Variants in IFT52 observed in about 807,000 individuals in gnomAD.
IFT52 encodes the protein intraflagellar transport 52.
IFT52 carries 44 observed loss-of-function variants against 54.4 expected under a neutral mutation model. The ratio of observed to expected loss-of-function variants is 0.81; its 90% confidence interval spans 0.63 to 1.04. The LOEUF (loss-of-function observed/expected upper bound fraction) is 1.04, where lower values mean the gene tolerates loss of function less well. Ranked by LOEUF, IFT52 falls within the 50% of genes least tolerant of loss-of-function variation. IFT52 has a pLI of 0.00. For synonymous variants in IFT52, 181 were observed against 185.3 expected (o/e 0.98, Z 0.19); for missense variants, 452 against 523.6 (o/e 0.86, Z 1.33).
At chr20:43,622,758 TATATACAAATTGTGTGTAAATATAA>T (rs1284225892) in intron 9 of IFT52, among the ~76,000 whole-genome samples, 1 of 56,284 alleles carries the variant, frequency 1.8e-5, no homozygotes, top group African/African-American at 1.1e-4. Flanking sequence ...TAAATATAAA[TATATACAAATTGTGTGTAAATATAA>T]ATATATACAT....
chr20:43,595,554 TA>T (rs1446599364), intron 2 of IFT52, among the ~76,000 whole-genome samples: 2 of 149,374 alleles, frequency 1.3e-5, no homozygotes, highest in African/African-American at 4.9e-5. Flanking sequence ...TCTAAAAAAA[TA>T]AAAAAACATT....
chr20:43,635,494 A>G (rs1002911107), intron 10 of IFT52, among the ~76,000 whole-genome samples: 10 of 152,128 alleles, frequency 6.6e-5, no homozygotes, highest in African/African-American at 2.4e-4. Flanking sequence ...ACAAGGTTTC[A>G]CTATGTTGGC....
chr20:43,623,591 G>T (rs1263095118), intron 9 of IFT52, among the ~76,000 whole-genome samples: 1 of 152,216 alleles, frequency 6.6e-6, no homozygotes, highest in African/African-American at 2.4e-5. Flanking sequence ...CAAGATCAGA[G>T]ATCATGAAAT....
At chr20:43,626,855 T>A (rs1984758246) in intron 10 of IFT52, among the ~76,000 whole-genome samples, 2 of 152,014 alleles carry the variant, frequency 1.3e-5, no homozygotes. Flanking sequence ...CCCCAGAGTT[T>A]AGAATTTAGG....
chr20:43,607,770 C>A (rs972176854), intron 6 of IFT52, among the ~76,000 whole-genome samples: 1 of 152,046 alleles, frequency 6.6e-6, no homozygotes, highest in East Asian at 1.9e-4. Context: ...GCTGCACTCT[C>A]GGCACTTTGG....
chr20:43,614,100 G>A (rs1983669416), intron 7 of IFT52, 124 bp downstream of exon 7: 1 of 841,940 alleles, frequency 1.2e-6, no homozygotes, highest in Non-Finnish European at 1.8e-6. Context: ...GTCCTGCAAA[G>A]TAGCATTTCA....
chr20:43,615,283 C>A (rs1260731798), intron 7 of IFT52, among the ~76,000 whole-genome samples: 1 of 151,236 alleles, frequency 6.6e-6, no homozygotes, highest in African/African-American at 2.4e-5. Flanking sequence ...CTCAGGCAAT[C>A]CCCCCCACCT....
chr20:43,604,644 C>T (rs1230640941), intron 5 of IFT52, among the ~76,000 whole-genome samples: 2 of 151,828 alleles, frequency 1.3e-5, no homozygotes, highest in African/African-American at 4.8e-5. Context: ...CTTCCCTCGT[C>T]TCTTCTCATA....
At chr20:43,612,316 G>A (rs756737985) in intron 6 of IFT52, among the ~76,000 whole-genome samples, 8 of 152,036 alleles carry the variant, frequency 5.3e-5, no homozygotes, top group Non-Finnish European at 8.8e-5. Context: ...GGAGAATGTG[G>A]GCCAAGTACC....
At chr20:43,627,922 G>GTTTTTTT (rs554920528) in intron 10 of IFT52, among the ~76,000 whole-genome samples, 7 of 56,084 alleles carry the variant, frequency 1.2e-4, no homozygotes, top group Admixed American at 3.3e-4. Flanking sequence ...GAGAGAGAGA[G>GTTTTTTT]TTTTTTTTTT....
At position 43,618,827 on chromosome 20, in the gene IFT52, A is replaced by G. The variant is rs1333792566; in HGVS notation, c.613-113A>G. Reference sequence around the variant, plus strand: ...CTTTAAAATCTGGGTGTGAATTGGCACTCTTCAGTATATAAGACAGTTGCT... The same window carrying G: ...CTTTAAAATCTGGGTGTGAATTGGCGCTCTTCAGTATATAAGACAGTTGCT... On this transcript the variant is annotated intron_variant, in intron 7 of 13. Coordinates refer to ENST00000373030, the MANE Select transcript of IFT52 (RefSeq NM_016004.5). The G allele has an allele frequency of 1.3e-5, 9 of 680,970 alleles. 1 individual carries two copies. Among genetic ancestry groups the G allele is most frequent in the Admixed American group, 2.8e-5 (1 of 35,578 alleles). The allele number at this position is 680,970 out of a possible 1,614,324, so 42.2% of individuals were successfully genotyped here.
chr20:43,609,114 C>T (rs1392673164), intron 6 of IFT52, among the ~76,000 whole-genome samples: 2 of 151,678 alleles, frequency 1.3e-5, no homozygotes, highest in South Asian at 2.1e-4. Flanking sequence ...TGGTGGCACA[C>T]ACCCATAGGC....
Position 43,594,692 on chromosome 20 carries a change from G to A in IFT52, c.-6-1G>A, listed in dbSNP as rs1326520854. ...TTCTGATCCCATCTTTCTTCCATAA[G>A]GTAACCATGGAGAAAGAGCTGCGGA... On this transcript the variant is annotated splice_acceptor_variant, in intron 1 of 13. Coordinates refer to ENST00000373030, the MANE Select transcript of IFT52 (RefSeq NM_016004.5). LOFTEE classifies it low-confidence loss of function (5UTR_SPLICE). 3 of 1,483,182 alleles carry A rather than the reference G, an allele frequency of 2.0e-6. No homozygotes were observed. The highest frequency in any genetic ancestry group is 1.7e-5 in the Admixed American group (1 of 59,414). 91.9% of individuals were successfully genotyped at this position (1,483,182 alleles called of 1,614,324 possible).
At chr20:43,607,646 G>T (rs1169788798) in intron 6 of IFT52, among the ~76,000 whole-genome samples, 1 of 143,882 alleles carries the variant, frequency 7.0e-6, no homozygotes, top group East Asian at 2.1e-4. Context: ...GGGCAGAGAC[G>T]CTCCTCACTT....
chr20:43,634,194 T>G (rs754330913), intron 10 of IFT52, among the ~76,000 whole-genome samples: 18 of 126,112 alleles, frequency 1.4e-4, no homozygotes, highest in Non-Finnish European at 2.3e-4. Context: ...GTGTTTAGAT[T>G]GTGGTTTTTG....
chr20:43,635,238 T>G (rs982441116), intron 10 of IFT52, among the ~76,000 whole-genome samples: 1 of 151,968 alleles, frequency 6.6e-6, no homozygotes, highest in Non-Finnish European at 1.5e-5. Context: ...CTGTATTAGT[T>G]TGCTAAGGAT....
At chr20:43,617,085 A>G (rs1387634666) in intron 7 of IFT52, among the ~76,000 whole-genome samples, 1 of 152,146 alleles carries the variant, frequency 6.6e-6, no homozygotes, top group Non-Finnish European at 1.5e-5. Flanking sequence ...TTCCCATGTT[A>G]CTGAAAACCC....
intron 3 of IFT52, among the ~76,000 whole-genome samples, chr20:43,600,539 T>C (rs747415846): frequency 2.1e-4 from 32 of 152,080 alleles, no homozygotes; most frequent in South Asian, 8.3e-4. Context: ...CTCCTGGCCT[T>C]GTGATCCGCC....
intron 10 of IFT52, among the ~76,000 whole-genome samples, chr20:43,628,724 G>A (rs1476133982): frequency 4.6e-5 from 7 of 152,052 alleles, no homozygotes; most frequent in Admixed American, 4.6e-4. Flanking sequence ...GGTGGTGCGC[G>A]CCTGTAGTCC....
Sources: allele counts gnomAD v4.1 joint callset (sites outside exome capture counted in the v4.1 genomes callset), GRCh38; gene constraint gnomAD v4.1.1; transcripts MANE v1.5; gene names NCBI Gene and HGNC (gene_info 2026-07-23, HGNC 2026-07-21).